NPAS3: variants seen among roughly 807,000 people sequenced by gnomAD.
NPAS3 encodes the protein neuronal PAS domain protein 3.
NPAS3 carries 14 observed loss-of-function variants against 73.1 expected under a neutral mutation model. The observed-to-expected ratio is 0.19, with a 90% confidence interval of 0.13 to 0.30. NPAS3 has a LOEUF of 0.30. NPAS3 is among the 10% of genes least tolerant of loss of function. The pLI is 1.00. For synonymous variants in NPAS3, 620 were observed against 541.5 expected, an observed-to-expected ratio of 1.14 and a Z score of -2.01; for missense variants, 1,096 against 1,250.0, an observed-to-expected ratio of 0.88 and a Z score of 1.86.
Position 33,400,043 on chromosome 14 carries a change from T to C in NPAS3, c.468+32775T>C, listed in dbSNP as rs183220997. ...ATTTTTTTACCCAAAACAATAGCTTTGGCTACTTAAGAAGTTTTTGAGGCT... is the reference window on the plus strand; with the variant it reads ...ATTTTTTTACCCAAAACAATAGCTTCGGCTACTTAAGAAGTTTTTGAGGCT... On this transcript the variant is annotated intron_variant, in intron 4 of 11. Transcript: ENST00000356141. 1.7e-3 allele frequency among the ~76,000 whole-genome samples: 256 copies of C among 152,282 alleles called. 2 individuals are homozygous for C. The highest frequency in any genetic ancestry group is 1.7e-3 in the Non-Finnish European group (114 of 68,004).
intron 2 of NPAS3, among the ~76,000 whole-genome samples, chr14:33,166,030 G>A (rs1289147350): frequency 6.6e-6 from 1 of 152,126 alleles, no homozygotes; most frequent in Non-Finnish European, 1.5e-5. Context: ...GCCCCATGAG[G>A]ATAGTCTGTG....
chr14:33,255,917 T>C (rs1280687221), intron 3 of NPAS3, among the ~76,000 whole-genome samples: 1 of 152,118 alleles, frequency 6.6e-6, no homozygotes, highest in Non-Finnish European at 1.5e-5. Flanking sequence ...AAAGAAAAAA[T>C]GATGACCTCA....
In NPAS3 at chr14:33,268,633, G is replaced by A. The variant is rs143479603; in HGVS notation, c.385+53207G>A. 4.1e-4 allele frequency among the ~76,000 whole-genome samples: 62 copies of A among 152,206 alleles called. No homozygotes were observed. In the East Asian group the frequency reaches 9.5e-3, roughly 23 times the overall value. On this transcript the variant is annotated intron_variant, in intron 3 of 11. Transcript: ENST00000356141. ...GGAACTTATCAGTCAGCTATGATAT[G>A]CCTATCACTTACTGAACACTGTGAG...
intron 5 of NPAS3, among the ~76,000 whole-genome samples, chr14:33,563,537 CAG>C (rs1286632432): frequency 1.4e-3 from 162 of 119,516 alleles, no homozygotes; most frequent in African/African-American, 3.6e-3. Context: ...CACACACACA[CAG>C]AGAGAGAGAG....
chr14:33,500,721 T>G (rs2052470590), intron 4 of NPAS3, among the ~76,000 whole-genome samples: 1 of 152,002 alleles, frequency 6.6e-6, no homozygotes. Context: ...GCTCTCACTT[T>G]CTGAGGCAAA....
intron 4 of NPAS3, among the ~76,000 whole-genome samples, chr14:33,503,255 C>T (rs996738902): frequency 1.4e-4 from 21 of 152,012 alleles, no homozygotes; most frequent in African/African-American, 4.8e-4. Context: ...TGCTACTCCA[C>T]ACTATGTAAT....
At chr14:33,677,618 G>GA (rs10584098) in intron 6 of NPAS3, among the ~76,000 whole-genome samples, 25 of 150,004 alleles carry the variant, frequency 1.7e-4, no homozygotes, top group Non-Finnish European at 2.7e-4. Context: ...CACACAGAAG[G>GA]AAAAAAAAAA....
intron 2 of NPAS3, among the ~76,000 whole-genome samples, chr14:33,178,120 G>A (rs541030839): frequency 2.1e-5 from 3 of 145,786 alleles, no homozygotes; most frequent in East Asian, 2.0e-4. Context: ...CTGTCGCCAG[G>A]TTGGAGTGCA....
chr14:33,147,762 A>C lies in NPAS3; in HGVS notation c.141-67420A>C, dbSNP rs1052795798. Among the ~76,000 whole-genome samples, 107 of 123,226 alleles carry C rather than the reference A, an allele frequency of 8.7e-4. No homozygotes were observed. The South Asian group carries it at 0.023, about 27-fold the overall frequency. The allele number at this position is 123,226 out of a possible 152,430, so 80.8% of individuals were successfully genotyped here. On this transcript the variant is annotated intron_variant, in intron 2 of 11. Coordinates refer to ENST00000356141, the Ensembl canonical transcript of NPAS3. ...ATATATATATATATATATACACACA[A>C]AAAAGTTTGGATTAAAAAAAGTATG...
intron 5 of NPAS3, among the ~76,000 whole-genome samples, chr14:33,586,254 T>C (rs1419079948): frequency 6.6e-6 from 1 of 151,570 alleles, no homozygotes; most frequent in Non-Finnish European, 1.5e-5. Flanking sequence ...TTATTGACTG[T>C]TTCATAGCAT....
intron 1 of NPAS3, among the ~76,000 whole-genome samples, chr14:32,974,543 A>G (rs949668432): frequency 6.6e-6 from 1 of 152,210 alleles, no homozygotes; most frequent in African/African-American, 2.4e-5. Flanking sequence ...TTAAACAAAG[A>G]TTAGTTATTT....
upstream of NPAS3, chr14:32,939,242 C>G: frequency 1.6e-6 from 1 of 606,536 alleles, no homozygotes; most frequent in Non-Finnish European, 2.9e-6. Context: ...CACGCACACC[C>G]CCGCCCGCCC....
chr14:33,137,652 C>T (rs576534231), intron 2 of NPAS3, among the ~76,000 whole-genome samples: 299 of 152,204 alleles, frequency 2.0e-3, no homozygotes, highest in African/African-American at 6.7e-3. Context: ...GCCTAGTATA[C>T]GTTACATAAG....
At chr14:33,018,323 A>G (rs962706506) in intron 1 of NPAS3, among the ~76,000 whole-genome samples, 6 of 152,172 alleles carry the variant, frequency 3.9e-5, no homozygotes, top group African/African-American at 1.4e-4. Context: ...GGTAGAAGTG[A>G]TGGGAAGTCC....
At chr14:33,533,789 G>A (rs1321722375) in intron 4 of NPAS3, among the ~76,000 whole-genome samples, 2 of 150,554 alleles carry the variant, frequency 1.3e-5, no homozygotes, top group African/African-American at 4.9e-5. Context: ...AATGTATTGT[G>A]AGAATTTTTT....
chr14:33,389,247 A>C (rs2138575483), intron 4 of NPAS3, among the ~76,000 whole-genome samples: 1 of 152,330 alleles, frequency 6.6e-6, no homozygotes, highest in South Asian at 2.1e-4. Flanking sequence ...TATGTCAGGA[A>C]GTTTTCATCA....
At chr14:33,784,729 A>ATTTTTTTTTTTTTTTTTTTTTTTTTTTT (rs1342325354) in intron 9 of NPAS3, among the ~76,000 whole-genome samples, 1 of 90,206 alleles carries the variant, frequency 1.1e-5, no homozygotes. Flanking sequence ...ATTTTTATTT[A>ATTTTTTTTTTTTTTTTTTTTTTTTTTTT]TTTATTTATT....
chr14:33,760,209 G>A (rs1371770555), intron 7 of NPAS3, among the ~76,000 whole-genome samples: 1 of 152,032 alleles, frequency 6.6e-6, no homozygotes, highest in Admixed American at 6.6e-5. Context: ...CCTTCACAGG[G>A]TATCCAACAT....
rs372799169 is a variant in NPAS3 at position 33,557,510 on chromosome 14, C to T, written c.469-2611C>T. 4.5e-4 allele frequency among the ~76,000 whole-genome samples: 68 copies of T among 152,276 alleles called. 2 individuals are homozygous for T. Among genetic ancestry groups the T allele is most frequent in the African/African-American group, 1.6e-3 (65 of 41,552 alleles). Reference sequence around the variant, plus strand: ...TAATTTCAGAAATGCTGTGAATATTCGCCTTTTCATTAATTTACACATGTC... The same window carrying T: ...TAATTTCAGAAATGCTGTGAATATTTGCCTTTTCATTAATTTACACATGTC... On this transcript the variant is annotated intron_variant, in intron 4 of 11. Coordinates refer to ENST00000356141, the Ensembl canonical transcript of NPAS3.
Sources: gnomAD v4.1 joint callset for allele counts (sites outside exome capture counted in the v4.1 genomes callset) on GRCh38, gnomAD v4.1.1 for gene constraint, MANE v1.5 for transcripts, NCBI Gene and HGNC (gene_info 2026-07-23, HGNC 2026-07-21) for gene names.